RASGRF2: variants seen among roughly 807,000 people sequenced by gnomAD.
RASGRF2 encodes the protein ras-specific guanine nucleotide-releasing factor 2.
A neutral mutation model predicts 151.0 loss-of-function variants in RASGRF2; 76 were observed. The observed-to-expected ratio is 0.50, with a 90% CI of 0.42 to 0.61. The LOEUF (loss-of-function observed/expected upper bound fraction) is 0.61. RASGRF2 is among the 20% of genes least tolerant of loss of function. The pLI, the probability that RASGRF2 is intolerant of heterozygous loss-of-function variation, is 0.00. For missense variants in RASGRF2, 1,148 were observed against 1,564.6 expected (o/e 0.73, Z 4.49); for synonymous variants, 504 against 566.5 (o/e 0.89, Z 1.57).
chr5:81,097,272 T>G (rs768761563), intron 12 of RASGRF2, among the ~76,000 whole-genome samples: 9 of 152,200 alleles, frequency 5.9e-5, no homozygotes, highest in Non-Finnish European at 1.2e-4. Flanking sequence ...AGTTATCTTT[T>G]TTAGTGATGG....
rs150496175 is a variant in RASGRF2 at position 81,113,634 on chromosome 5, G to A, written c.2184G>A (p.Pro728=). ...SPRLCRKFSS[P]PPLAVSRTSS... is the part of the protein sequence containing the mutation. ...GTCTGTGTCGCAAATTCTCTTCCCC[G>A]CCACCACTGGCTGTGTCCAGAACAT... Residue 728 remains proline, a synonymous_variant, in exon 15 of 27, where the codon CCG becomes CCA. Coordinates refer to ENST00000265080, the MANE Select transcript of RASGRF2 (RefSeq NM_006909.3). 9.9e-6 allele frequency: 16 copies of A among 1,611,340 alleles called. No homozygotes were observed. The highest frequency in any genetic ancestry group is 4.5e-5 in the East Asian group (2 of 44,866).
At chr5:81,071,364 A>G (rs940117949) in intron 4 of RASGRF2, among the ~76,000 whole-genome samples, 3 of 152,202 alleles carry the variant, frequency 2.0e-5, no homozygotes, top group African/African-American at 7.2e-5. Context: ...TTACCTGGAC[A>G]CTTTAAAGAT....
chr5:81,140,170 C>G (rs746993323), intron 17 of RASGRF2, among the ~76,000 whole-genome samples: 5 of 152,028 alleles, frequency 3.3e-5, no homozygotes, highest in African/African-American at 1.2e-4. Context: ...CCTTAATAGG[C>G]CTTGTTCAGA....
Position 81,094,284 on chromosome 5 carries a change from G to A in RASGRF2, c.1552-12G>A, listed in dbSNP as rs763459099. ...CCTTCAGCGTCTTAGTGAAAAATTGGTTTGTTTCCAGACAGGTGGGGTTCT... is the reference window on the plus strand; with the variant it reads ...CCTTCAGCGTCTTAGTGAAAAATTGATTTGTTTCCAGACAGGTGGGGTTCT... On this transcript the variant is annotated splice_polypyrimidine_tract_variant and intron_variant, in intron 10 of 26. Transcript: ENST00000265080. 6.2e-7 allele frequency: 1 copy of A among 1,611,914 alleles called. No individual in the cohort carries two copies. The highest frequency in any genetic ancestry group is 1.7e-5 in the Admixed American group (1 of 59,944).
At chr5:81,148,827 T>TAATAA (rs752330889) in intron 17 of RASGRF2, among the ~76,000 whole-genome samples, 67 of 149,278 alleles carry the variant, frequency 4.5e-4, no homozygotes, top group Non-Finnish European at 8.0e-4. Context: ...AGTATAATAA[T>TAATAA]AATAAAATAA....
intron 2 of RASGRF2, among the ~76,000 whole-genome samples, chr5:81,045,932 A>G (rs1750821369): frequency 6.6e-6 from 1 of 152,196 alleles, no homozygotes; most frequent in Non-Finnish European, 1.5e-5. Context: ...TTTGCTTGGC[A>G]TTGTAATAAA....
At chr5:80,995,332 G>C (rs1218622942) in intron 1 of RASGRF2, among the ~76,000 whole-genome samples, 2 of 149,022 alleles carry the variant, frequency 1.3e-5, no homozygotes, top group African/African-American at 5.0e-5. Flanking sequence ...AGCAACCTCT[G>C]ATCTGACTTT....
chr5:80,973,380 C>T (rs945004246), intron 1 of RASGRF2, among the ~76,000 whole-genome samples: 5 of 152,308 alleles, frequency 3.3e-5, no homozygotes, highest in Admixed American at 2.6e-4. Context: ...CTTCCCTCCT[C>T]GGGTGCTGGG....
intron 17 of RASGRF2, among the ~76,000 whole-genome samples, chr5:81,134,594 T>C (rs1436793717): frequency 6.6e-6 from 1 of 152,198 alleles, no homozygotes; most frequent in Non-Finnish European, 1.5e-5. Context: ...GCATCTGTCT[T>C]TTACAGGCTC....
intron 18 of RASGRF2, among the ~76,000 whole-genome samples, chr5:81,182,203 T>A (rs145729555): frequency 3.7e-4 from 56 of 152,342 alleles, no homozygotes; most frequent in African/African-American, 1.2e-3. Context: ...AGGTGAGTGA[T>A]GTAAATAGCT....
intron 26 of RASGRF2, among the ~76,000 whole-genome samples, chr5:81,221,849 C>T (rs1561267024): frequency 6.6e-6 from 1 of 152,148 alleles, no homozygotes; most frequent in African/African-American, 2.4e-5. Context: ...TGGTGGCGGG[C>T]AGCTGTAATC....
In RASGRF2 at chr5:81,191,356, T is replaced by G. The variant is rs149770422; in HGVS notation, c.2794-9974T>G. Among the ~76,000 whole-genome samples the G allele has an allele frequency of 4.4e-3, 672 of 152,242 alleles. 2 individuals are homozygous for G. The highest frequency in any genetic ancestry group is 0.015 in the African/African-American group (622 of 41,552). On this transcript the variant is annotated intron_variant, in intron 18 of 26. Coordinates refer to ENST00000265080, the MANE Select transcript of RASGRF2 (RefSeq NM_006909.3). ...TGAATGTCAAAGATGCTACTTCCTG[T>G]AACTCTAAGTGCATCTTCTCCTTGG...
At chr5:81,000,445 G>A (rs964768391) in intron 1 of RASGRF2, among the ~76,000 whole-genome samples, 3 of 152,154 alleles carry the variant, frequency 2.0e-5, no homozygotes, top group Non-Finnish European at 2.9e-5. Flanking sequence ...GTTTCACCAT[G>A]TTGGCCAGGC....
At chr5:81,207,485 T>C (rs182643187) in intron 21 of RASGRF2, 136 bp downstream of exon 21, 4 of 727,090 alleles carry the variant, frequency 5.5e-6, no homozygotes, top group Admixed American at 5.0e-5. Context: ...TTTCCATCCA[T>C]GGAACTGGCA....
chr5:81,092,289 T>C (rs1752411907), intron 9 of RASGRF2, among the ~76,000 whole-genome samples: 2 of 148,862 alleles, frequency 1.3e-5, no homozygotes, highest in Non-Finnish European at 3.0e-5. Context: ...CTGAATTATA[T>C]AATTTATATA....
At chr5:81,042,134 G>A (rs892533940) in intron 1 of RASGRF2, among the ~76,000 whole-genome samples, 1 of 152,086 alleles carries the variant, frequency 6.6e-6, no homozygotes, top group Non-Finnish European at 1.5e-5. Context: ...TATGAATAAG[G>A]CTTATATGAG....
At chr5:81,093,012 A>G (rs1419216173) in intron 10 of RASGRF2, 51 bp downstream of exon 10, 1 of 1,495,206 alleles carries the variant, frequency 6.7e-7, no homozygotes, top group Non-Finnish European at 9.1e-7. Flanking sequence ...CTTACAAGTT[A>G]TTGAAGTTAA....
chr5:81,131,412 G>C (rs554865621), intron 17 of RASGRF2, among the ~76,000 whole-genome samples: 2 of 152,106 alleles, frequency 1.3e-5, no homozygotes, highest in African/African-American at 4.8e-5. Context: ...TGGAGTGCAG[G>C]GGCGTGATCT....
rs16878318 is a variant in RASGRF2, at chr5:81,016,794, T to G, written c.289-26083T>G. Among the ~76,000 whole-genome samples the G allele has an allele frequency of 5.3e-3, 806 of 152,316 alleles. 5 individuals are homozygous for G. Among genetic ancestry groups the G allele is most frequent in the African/African-American group, 0.019 (789 of 41,574 alleles). On this transcript the variant is annotated intron_variant, in intron 1 of 26. Transcript: ENST00000265080. ...CTTTGCTTTATTCATAATTTCAAAT[T>G]TCTACTCTATGTGTTGTCTTCTATT...
Sources: gnomAD v4.1 joint callset for allele counts (sites outside exome capture counted in the v4.1 genomes callset) on GRCh38, gnomAD v4.1.1 for gene constraint, MANE v1.5 for transcripts, NCBI Gene and HGNC (gene_info 2026-07-23, HGNC 2026-07-21) for gene names.